Variants in CSMD1 observed in about 807,000 individuals in gnomAD.
CSMD1 encodes CUB and sushi domain-containing protein 1.
CSMD1 carries 213 observed loss-of-function variants against 417.5 expected under a neutral mutation model. The observed-to-expected ratio is 0.51, with a 90% CI of 0.46 to 0.57. The LOEUF (loss-of-function observed/expected upper bound fraction) is 0.57, where lower values mean the gene tolerates loss of function less well. Among genes scored for constraint, CSMD1 ranks in the 20% least tolerant of loss-of-function variants. The pLI is 0.00. For synonymous variants in CSMD1, 2,862 were observed against 1,736.8 expected (o/e 1.65, Z -16.11); for missense variants, 6,923 against 4,529.7 (o/e 1.53, Z -15.17).
chr8:3,412,615 G>C (rs117096613), intron 12 of CSMD1, among the ~76,000 whole-genome samples: 1,854 of 152,252 alleles, frequency 0.012, 44 homozygotes, highest in East Asian at 0.095. Context: ...CAGATATTTG[G>C]TTGAGGTTCA....
intron 8 of CSMD1, among the ~76,000 whole-genome samples, chr8:3,607,839 G>C (rs757983392): frequency 6.6e-6 from 1 of 152,180 alleles, no homozygotes; most frequent in Non-Finnish European, 1.5e-5. Flanking sequence ...TGGTGTGGCA[G>C]AAAGGAGATG....
chr8:3,603,612 G>A (rs1050367427), intron 8 of CSMD1, among the ~76,000 whole-genome samples: 5 of 152,092 alleles, frequency 3.3e-5, no homozygotes, highest in African/African-American at 9.7e-5. Context: ...TTAGGGACAT[G>A]GAATGGAAAC....
chr8:4,049,630 G>A (rs183609803), intron 3 of CSMD1, among the ~76,000 whole-genome samples: 5 of 151,986 alleles, frequency 3.3e-5, no homozygotes, highest in Admixed American at 6.6e-5. Flanking sequence ...TCTGTAAGTT[G>A]CATAAAATAA....
At chr8:3,886,888 A>G (rs1458614439) in intron 5 of CSMD1, among the ~76,000 whole-genome samples, 2 of 152,186 alleles carry the variant, frequency 1.3e-5, no homozygotes, top group Admixed American at 1.3e-4. Context: ...CTCGCATGGT[A>G]ATGATTCACT....
At chr8:2,996,889 C>G (rs919114583) in intron 54 of CSMD1, among the ~76,000 whole-genome samples, 1 of 152,194 alleles carries the variant, frequency 6.6e-6, no homozygotes. Flanking sequence ...AACCATGTTC[C>G]TCTCTCTGTT....
intron 10 of CSMD1, among the ~76,000 whole-genome samples, chr8:3,555,852 T>C (rs1218961511): frequency 1.3e-5 from 2 of 152,160 alleles, no homozygotes; most frequent in African/African-American, 4.8e-5. Context: ...CTATGAAATA[T>C]ACATAGTGGA....
intron 3 of CSMD1, among the ~76,000 whole-genome samples, chr8:4,390,829 C>G (rs190423140): frequency 6.6e-6 from 1 of 152,214 alleles, no homozygotes; most frequent in Non-Finnish European, 1.5e-5. Context: ...ACATGAGCCA[C>G]CATGCCCGGC....
chr8:3,389,994 C>T (rs6982245), intron 17 of CSMD1, among the ~76,000 whole-genome samples: 98,550 of 151,902 alleles, frequency 0.65, 32,416 homozygotes, highest in African/African-American at 0.75. Context: ...ATACTACATT[C>T]GATTTCCAGT....
chr8:3,634,959 T>C (rs920917373), intron 7 of CSMD1, among the ~76,000 whole-genome samples: 4 of 151,986 alleles, frequency 2.6e-5, no homozygotes, highest in African/African-American at 7.3e-5. Context: ...TACTGAATAA[T>C]GCAGGCAACT....
At chr8:4,348,680 G>A (rs994818643) in intron 3 of CSMD1, among the ~76,000 whole-genome samples, 6 of 151,412 alleles carry the variant, frequency 4.0e-5, no homozygotes, top group Non-Finnish European at 7.4e-5. Flanking sequence ...ACTCTTTTGC[G>A]TACATATCCG....
chr8:4,406,658 C>T (rs1266531543), intron 3 of CSMD1, among the ~76,000 whole-genome samples: 1 of 152,158 alleles, frequency 6.6e-6, no homozygotes, highest in Middle Eastern at 3.2e-3. Flanking sequence ...ATGGGCACTC[C>T]TCCTGGCCAT....
At chr8:3,918,540 G>C (rs557092328) in intron 5 of CSMD1, among the ~76,000 whole-genome samples, 15 of 151,974 alleles carry the variant, frequency 9.9e-5, no homozygotes, top group African/African-American at 3.1e-4. Context: ...TTTTTAATTT[G>C]TTTTCTATTG....
Position 3,308,417 on chromosome 8 carries a change from C to G in CSMD1, c.3718G>C (p.Val1240Leu), listed in dbSNP as rs1442544858. ...RDEGHFTDTV[V>L]LYSCNPGYAM... ...TACCCCGGGTTGCAACTGTACAGAA[C>G]TACAGTGTCGGTAAAGTGGCCTTCA... Residue 1240 changes from valine (V) to leucine (L), a missense_variant, in exon 24 of 70, where the codon GTT becomes CTT. Transcript: ENST00000635120. 1.9e-6 allele frequency: 3 copies of G among 1,613,602 alleles called. No individual in the cohort carries two copies. Among genetic ancestry groups the G allele is most frequent in the East Asian group, 2.2e-5 (1 of 44,836 alleles).
At chr8:3,008,775 G>A (rs1022595308) in intron 52 of CSMD1, among the ~76,000 whole-genome samples, 8 of 152,204 alleles carry the variant, frequency 5.3e-5, no homozygotes, top group African/African-American at 1.4e-4. Flanking sequence ...AAGGAGTTAT[G>A]CGGTTTGCAA....
At chr8:3,515,199 G>C (rs1190398403) in intron 10 of CSMD1, 1 of 152,142 alleles carries the variant, frequency 6.6e-6, no homozygotes, top group East Asian at 1.9e-4. Flanking sequence ...TTAAAGATTT[G>C]AGGAAATTAA....
At chr8:3,812,406 G>C (rs1276059026) in intron 5 of CSMD1, among the ~76,000 whole-genome samples, 1 of 152,094 alleles carries the variant, frequency 6.6e-6, no homozygotes, top group African/African-American at 2.4e-5. Flanking sequence ...ATTAAGGACT[G>C]TTGACACCTA....
chr8:3,862,416 T>C (rs563090839), intron 5 of CSMD1, among the ~76,000 whole-genome samples: 34 of 152,346 alleles, frequency 2.2e-4, no homozygotes, highest in African/African-American at 8.2e-4. Context: ...CTCTCACTTG[T>C]CTTTCATTAC....
intron 3 of CSMD1, among the ~76,000 whole-genome samples, chr8:4,198,894 C>G (rs183356496): frequency 4.6e-5 from 7 of 152,086 alleles, no homozygotes; most frequent in East Asian, 3.9e-4. Flanking sequence ...TTAATTAAAA[C>G]TATTTTTACT....
chr8:4,628,744 T>A (rs907740508), intron 2 of CSMD1, among the ~76,000 whole-genome samples: 6 of 152,056 alleles, frequency 3.9e-5, no homozygotes, highest in Admixed American at 3.3e-4. Flanking sequence ...AGCCCTCAGG[T>A]GAGTTAGATA....
Sources: gnomAD v4.1 joint callset for allele counts (sites outside exome capture counted in the v4.1 genomes callset) on GRCh38, gnomAD v4.1.1 for gene constraint, MANE v1.5 for transcripts, NCBI Gene and HGNC (gene_info 2026-07-23, HGNC 2026-07-21) for gene names.